Variants in MYOM1 observed in about 807,000 individuals in gnomAD.
The protein encoded by MYOM1 is myomesin 1.
In MYOM1, 164 loss-of-function variants were observed where a neutral mutation model predicts 205.3. The observed-to-expected ratio is 0.80, with a 90% confidence interval of 0.70 to 0.91. The LOEUF (loss-of-function observed/expected upper bound fraction) is 0.91. Among genes scored for constraint, MYOM1 ranks in the 40% least tolerant of loss-of-function variants. The probability of loss-of-function intolerance (pLI) is 0.00; values close to 1 mark genes in which losing one functional copy is unlikely to be tolerated. For synonymous variants in MYOM1, 772 were observed against 789.4 expected (o/e 0.98, Z 0.37); for missense variants, 2,011 against 2,127.3 (o/e 0.95, Z 1.08).
At chr18:3,154,762 AAGAG>A (rs1344447647) in intron 11 of MYOM1, among the ~76,000 whole-genome samples, 181 bp downstream of exon 11, 5 of 151,186 alleles carry the variant, frequency 3.3e-5, no homozygotes, top group Non-Finnish European at 5.9e-5. Context: ...TACAGAGAGA[AAGAG>A]AGAGCGAGAG....
intron 11 of MYOM1, among the ~76,000 whole-genome samples, chr18:3,153,682 T>C (rs966586405): frequency 6.6e-6 from 1 of 152,220 alleles, no homozygotes; most frequent in Non-Finnish European, 1.5e-5. Flanking sequence ...GTATATAATT[T>C]ATTAGAAATA....
At chr18:3,085,248 T>A in intron 30 of MYOM1, 116 bp from the exon 31 acceptor site, 2 of 185,706 alleles carry the variant, frequency 1.1e-5, no homozygotes, top group Non-Finnish European at 1.9e-5. Flanking sequence ...TTTTTTTTTT[T>A]TTTTTTTTTT....
rs528894623 is a variant in MYOM1 at position 3,144,184 on chromosome 18, C to T, written c.1901-2121G>A. Among the ~76,000 whole-genome samples, 209 of 151,938 alleles carry T rather than the reference C, an allele frequency of 1.4e-3. 2 individuals carry two copies. Among genetic ancestry groups the T allele is most frequent in the Non-Finnish European group, 1.4e-3 (96 of 67,954 alleles). On this transcript the variant is annotated intron_variant, in intron 13 of 37. Coordinates refer to ENST00000356443, the MANE Select transcript of MYOM1 (RefSeq NM_003803.4). ...CTGCAGCACTACACTCCAGACTGGG[C>T]GACAGAGCAAGACTCCATCTCAAAA...
At position 3,209,854 on chromosome 18, in the gene MYOM1, A is replaced by G. The variant is rs529635927; in HGVS notation, c.290+5080T>C. On this transcript the variant is annotated intron_variant, in intron 2 of 37. Coordinates refer to ENST00000356443, the MANE Select transcript of MYOM1 (RefSeq NM_003803.4). This position sits in a 1 kb window ranked among gnomAD's most constrained non-coding sequence, Gnocchi z 4.0. ...GTTTCTTATTGTTTCTATAACATGT[A>G]TTACCTTCTGGTATAAAATATAATT... 3.3e-4 allele frequency among the ~76,000 whole-genome samples: 50 copies of G among 152,308 alleles called. No individual in the cohort carries two copies. Among genetic ancestry groups the G allele is most frequent in the Non-Finnish European group, 5.6e-4 (38 of 68,014 alleles).
chr18:3,138,003 T>C (rs948472586), intron 14 of MYOM1, among the ~76,000 whole-genome samples: 1 of 152,174 alleles, frequency 6.6e-6, no homozygotes, highest in Non-Finnish European at 1.5e-5. Context: ...CTTAGAATAA[T>C]TAATGGGAAA....
chr18:3,196,358 T>C lies in MYOM1; in HGVS notation c.291-2400A>G, dbSNP rs116653058. Among the ~76,000 whole-genome samples, 615 of 152,346 alleles carry C rather than the reference T, an allele frequency of 4.0e-3. 5 individuals carry two copies. Among genetic ancestry groups the C allele is most frequent in the African/African-American group, 0.014 (577 of 41,566 alleles). The stretch of plus-strand genomic sequence containing the variant: ...CGAATATGTAGATTTTAAATTTCTT[T>C]GATCTTAAATCAAAGAGTTAAATAA... On this transcript the variant is annotated intron_variant, in intron 2 of 37. Coordinates refer to ENST00000356443, the MANE Select transcript of MYOM1 (RefSeq NM_003803.4).
intron 2 of MYOM1, among the ~76,000 whole-genome samples, chr18:3,196,759 G>A (rs1029161886): frequency 1.3e-5 from 2 of 152,136 alleles, no homozygotes; most frequent in African/African-American, 4.8e-5. Context: ...ATACATCTAT[G>A]ACTGGTAGCA....
rs1412232718 is a variant in MYOM1, at chr18:3,155,018, A to C, written c.1572T>G (p.Asp524Glu). The change falls in exon 11 of 38, where the codon GAT becomes GAG. Residue 524 changes from aspartate (D) to glutamate (E), a missense_variant. Transcript: ENST00000356443. ...LDVKCLEANK[D>E]YIIISWKQPA... is the part of the protein sequence containing the mutation. ...GCTGTTTCCAGGAGATGATGATATA[A>C]TCTTTGTTGGCCTCCAAGCACTTCA... The C allele has an allele frequency of 1.9e-6, 3 of 1,613,472 alleles. No individual in the cohort carries two copies. In the Admixed American group the frequency reaches 5.0e-5, roughly 27 times the overall value.
the MYOM1 span, among the ~76,000 whole-genome samples, chr18:3,238,323 C>T: frequency 8.8e-3 from 1,345 of 152,176 alleles, 26 homozygotes; most frequent in African/African-American, 0.03. Context: ...GTAATGTGAG[C>T]GATGGGGAGC....
Position 3,173,969 on chromosome 18 carries a change from G to A in MYOM1, c.1143C>T (p.Phe381=), listed in dbSNP as rs961259566. Residue 381 remains phenylalanine (F), a synonymous_variant, in exon 8 of 38, where the codon TTC becomes TTT. Transcript: ENST00000356443. ...GGGGCATGGTGGAAGCCCCAGCGTGGAAGCGAGTCTCATCAAACTCTCCCT... is the reference window on the plus strand; with the variant it reads ...GGGGCATGGTGGAAGCCCCAGCGTGAAAGCGAGTCTCATCAAACTCTCCCT... ...RYKGEFDETR[F]HAGASTMPLS... is the part of the protein sequence containing the mutation. The A allele has an allele frequency of 6.2e-7, 1 of 1,613,574 alleles. No homozygotes were observed. Among genetic ancestry groups the A allele is most frequent in the Non-Finnish European group, 8.5e-7 (1 of 1,179,724 alleles).
chr18:3,191,389 G>T (rs1024947768), intron 3 of MYOM1, among the ~76,000 whole-genome samples: 3 of 152,184 alleles, frequency 2.0e-5, no homozygotes, highest in Admixed American at 6.5e-5. Flanking sequence ...CAGGCATGCA[G>T]CTTTCAGCAA....
At chr18:3,105,958 T>C (rs1476169170) in intron 22 of MYOM1, among the ~76,000 whole-genome samples, 3 of 152,238 alleles carry the variant, frequency 2.0e-5, no homozygotes, top group African/African-American at 7.2e-5. Flanking sequence ...CCTTCATATC[T>C]ATGGGTTCTG....
Position 3,129,440 on chromosome 18 carries a change from A to G in MYOM1, c.2586T>C (p.His862=). The part of the protein sequence containing the change: ...GGLTASRGRV[H]EASPPTFQKD... ...TCTGGAAGGTTGGCGGGGAGGCTTC[A>G]TGCACGCGCCCCCTGGAGGCGGTTA... Residue 862 remains histidine (H), a synonymous_variant, in exon 18 of 38, where the codon CAT becomes CAC. Coordinates refer to ENST00000356443, the MANE Select transcript of MYOM1 (RefSeq NM_003803.4). The G allele has an allele frequency of 6.2e-7, 1 of 1,613,904 alleles. No individual in the cohort carries two copies. Among genetic ancestry groups the G allele is most frequent in the Non-Finnish European group, 8.5e-7 (1 of 1,179,858 alleles).
intron 26 of MYOM1, among the ~76,000 whole-genome samples, chr18:3,093,894 A>G (rs374789771): frequency 6.6e-6 from 1 of 151,796 alleles, no homozygotes; most frequent in Non-Finnish European, 1.5e-5. Flanking sequence ...GAGCCTCTCT[A>G]TTTTCATGGG....
intron 22 of MYOM1, among the ~76,000 whole-genome samples, chr18:3,109,272 C>T (rs986461819): frequency 2.0e-5 from 3 of 152,278 alleles, no homozygotes; most frequent in Middle Eastern, 3.4e-3. Context: ...CGTGAATCAC[C>T]GTACCTAGCC....
intron 10 of MYOM1, among the ~76,000 whole-genome samples, 157 bp from the exon 11 acceptor site, chr18:3,155,245 G>A (rs770211576): frequency 1.6e-4 from 24 of 151,926 alleles, no homozygotes; most frequent in African/African-American, 3.6e-4. Flanking sequence ...TTTTTGAGAC[G>A]GAGTCTCGCT....
chr18:3,172,571 G>A (rs1191284590), intron 8 of MYOM1, among the ~76,000 whole-genome samples: 3 of 151,890 alleles, frequency 2.0e-5, no homozygotes, highest in African/African-American at 7.3e-5. Flanking sequence ...ATGCAGTGGC[G>A]TGATCTCGGC....
chr18:3,089,998 C>T (rs1051796864), intron 27 of MYOM1, among the ~76,000 whole-genome samples: 14 of 151,828 alleles, frequency 9.2e-5, no homozygotes, highest in East Asian at 7.7e-4. Context: ...AGTAAGTACA[C>T]GTGGCAAAAC....
At chr18:3,084,113 C>G in intron 31 of MYOM1, 86 bp from the exon 32 acceptor site, 1 of 1,422,036 alleles carries the variant, frequency 7.0e-7, no homozygotes, top group Non-Finnish European at 9.7e-7. Context: ...CTCAAAAATT[C>G]CCTTTCTGGT....
Sources: gnomAD v4.1 joint callset for allele counts (sites outside exome capture counted in the v4.1 genomes callset) on GRCh38, gnomAD v4.1.1 for gene constraint, Gnocchi (gnomAD v3.1) non-coding constraint, MANE v1.5 for transcripts, NCBI Gene and HGNC (gene_info 2026-07-23, HGNC 2026-07-21) for gene names.